Variants in ITGB7 observed in about 807,000 individuals in gnomAD.
ITGB7 encodes the protein integrin subunit beta 7, also known as integrin beta-7.
ITGB7 carries 55 observed loss-of-function variants against 83.4 expected under a neutral mutation model. The ratio of observed to expected loss-of-function variants is 0.66; its 90% confidence interval spans 0.53 to 0.83. The LOEUF (loss-of-function observed/expected upper bound fraction) is 0.83. Among genes scored for constraint, ITGB7 ranks in the 40% least tolerant of loss-of-function variants. ITGB7 has a pLI of 0.00. For missense variants in ITGB7, 921 were observed against 1,046.7 expected (o/e 0.88, Z 1.66); for synonymous variants, 454 against 423.6 (o/e 1.07, Z -0.88).
intron 1 of ITGB7, among the ~76,000 whole-genome samples, chr12:53,205,417 G>A (rs187718235): frequency 1.3e-5 from 2 of 152,144 alleles, no homozygotes; most frequent in Admixed American, 6.5e-5. Context: ...TAGAACTCCT[G>A]AGCTCAAGCG....
chr12:53,200,275 A>G lies in ITGB7; in HGVS notation c.169T>C (p.Ser57Pro). 6.2e-7 allele frequency: 1 copy of G among 1,614,102 alleles called. No homozygotes were observed. Among genetic ancestry groups the G allele is most frequent in the South Asian group, 1.1e-5 (1 of 91,076 alleles). ...PAPSCQKCILSHPSCAWCKQL... is the reference protein window; with the variant it reads ...PAPSCQKCILPHPSCAWCKQL... ...TTGCACCATGCACAGCTGGGGTGTG[A>G]GAGGATGCACTTCTGGCAGGAGGGG... is the stretch of plus-strand genomic sequence containing the variant. Residue 57 changes from serine (S) to proline (P), a missense_variant, in exon 3 of 16, where the codon TCA becomes CCA. Physicochemically the swap from Ser to Pro is moderately conservative, Grantham distance 74 (BLOSUM62 -1). Transcript: ENST00000267082.
rs752378256 is a variant in ITGB7, at chr12:53,191,896, C to T, written c.2279G>A (p.Arg760His). Residue 760 changes from arginine (R) to histidine (H), a missense_variant, in exon 15 of 16, where the codon CGC (arginine) becomes CAC (histidine). Coordinates refer to ENST00000267082, the MANE Select transcript of ITGB7 (RefSeq NM_000889.3). ...GAGTTGTTGCTGCTCCTTCTCAAAG[C>T]GACTGTATTCCCGGCGGTCATAGAT... ...VEIYDRREYS[R>H]FEKEQQQLNW... is the part of the protein sequence containing the mutation. 9 of 1,612,966 alleles carry T rather than the reference C, an allele frequency of 5.6e-6. No individual in the cohort carries two copies. Among genetic ancestry groups the T allele is most frequent in the South Asian group, 2.2e-5 (2 of 91,070 alleles).
At chr12:53,198,409 C>T (rs554543618) in intron 3 of ITGB7, among the ~76,000 whole-genome samples, 22 of 151,648 alleles carry the variant, frequency 1.5e-4, no homozygotes, top group African/African-American at 5.1e-4. Context: ...CAGACGTGAA[C>T]CACCACGCCT....
chr12:53,193,456 A>C, intron 11 of ITGB7, 93 bp from the exon 12 acceptor site: 1 of 948,936 alleles, frequency 1.1e-6, no homozygotes, highest in Non-Finnish European at 1.5e-6. Flanking sequence ...AAGTTCTCAA[A>C]AGAGTTGGAG....
intron 6 of ITGB7, 84 bp from the exon 7 acceptor site, chr12:53,196,283 G>T: frequency 6.6e-7 from 1 of 1,505,752 alleles, no homozygotes; most frequent in Non-Finnish European, 9.1e-7. Flanking sequence ...CAAGAATGTG[G>T]CCAGCCTCAC....
At chr12:53,197,374 G>T in intron 5 of ITGB7, 119 bp downstream of exon 5, 1 of 1,130,332 alleles carries the variant, frequency 8.8e-7, no homozygotes. Context: ...GGCCTGGCTA[G>T]GCCTGTCAAC....
chr12:53,205,118 C>A (rs1942409739), intron 1 of ITGB7, among the ~76,000 whole-genome samples: 1 of 152,116 alleles, frequency 6.6e-6, no homozygotes, highest in East Asian at 1.9e-4. Flanking sequence ...AGCCACTGTG[C>A]CTGGCCTTAA....
In ITGB7 at chr12:53,192,734, A is replaced by G; in HGVS notation, c.1903T>C (p.Cys635Arg). ...QCLDGYYGAL[C>R]DQCPGCKTPC... is the part of the protein sequence containing the mutation. ...GTCTTGCAGCCTGGGCATTGGTCGCATAGAGCACCATAGTAGCCGTCCAAG... is the reference window on the plus strand; with the variant it reads ...GTCTTGCAGCCTGGGCATTGGTCGCGTAGAGCACCATAGTAGCCGTCCAAG... Residue 635 changes from cysteine to arginine, a missense_variant, in exon 13 of 16, where the codon TGC becomes CGC. Coordinates refer to ENST00000267082, the MANE Select transcript of ITGB7 (RefSeq NM_000889.3). The G allele has an allele frequency of 6.2e-7, 1 of 1,614,242 alleles. No individual in the cohort carries two copies. The highest frequency in any genetic ancestry group is 8.5e-7 in the Non-Finnish European group (1 of 1,180,048).
intron 1 of ITGB7, among the ~76,000 whole-genome samples, chr12:53,202,225 G>C (rs1478626214): frequency 1.3e-5 from 2 of 152,082 alleles, no homozygotes; most frequent in Non-Finnish European, 2.9e-5. Flanking sequence ...TGGGTGTGGT[G>C]GTGGGCGCCT....
At chr12:53,203,308 A>T (rs7139068) in intron 1 of ITGB7, among the ~76,000 whole-genome samples, 32,038 of 152,140 alleles carry the variant, frequency 0.21, 5,314 homozygotes, top group African/African-American at 0.47. Context: ...CCACCCAGCA[A>T]ATGAAAAGAT....
intron 3 of ITGB7, among the ~76,000 whole-genome samples, chr12:53,198,801 G>C (rs1183542976): frequency 6.6e-6 from 1 of 152,174 alleles, no homozygotes; most frequent in East Asian, 1.9e-4. Flanking sequence ...CAGCTCCTTG[G>C]AAAGGAAAGG....
chr12:53,196,408 GCCT>G (rs1254644422), intron 6 of ITGB7, 168 bp downstream of exon 6: 9 of 1,051,690 alleles, frequency 8.6e-6, no homozygotes, highest in South Asian at 3.3e-5. Context: ...CGAAAAACAT[GCCT>G]CCTCCTCAAG....
Position 53,191,354 on chromosome 12 carries a change from G to T in ITGB7, c.*202C>A. ...GTAAGACTTTATTGTATACTTGGGT[G>T]GGGTAGCCCAGATGGATGCAAGGTT... On this transcript the variant is annotated 3_prime_UTR_variant, in exon 16 of 16. Coordinates refer to ENST00000267082, the MANE Select transcript of ITGB7 (RefSeq NM_000889.3). The T allele has an allele frequency of 1.7e-6, 1 of 592,714 alleles. No individual in the cohort carries two copies. The highest frequency in any genetic ancestry group is 1.9e-5 in the South Asian group (1 of 52,326). The allele number at this position is 592,714 out of a possible 1,614,324, so 36.7% of individuals were successfully genotyped here. A position where few individuals can be genotyped will look rare whatever the true frequency, so the allele number is the denominator to read the frequency against.
chr12:53,197,023 A>C, intron 5 of ITGB7: 1 of 610,588 alleles, frequency 1.6e-6, no homozygotes, highest in Non-Finnish European at 2.9e-6. Flanking sequence ...TAAGAGGAGG[A>C]CACAACTTCC....
At chr12:53,195,932 G>C (rs376234651) in intron 7 of ITGB7, 109 bp downstream of exon 7, 1 of 1,271,678 alleles carries the variant, frequency 7.9e-7, no homozygotes, top group Non-Finnish European at 1.1e-6. Context: ...AGATGGCAGG[G>C]TGTCTACAGG....
rs1175467493 is a variant in ITGB7, at chr12:53,192,482, G to T, written c.2003C>A (p.Thr668Lys). The T allele has an allele frequency of 6.2e-7, 1 of 1,614,084 alleles. No individual in the cohort carries two copies. Among genetic ancestry groups the T allele is most frequent in the Non-Finnish European group, 8.5e-7 (1 of 1,180,056 alleles). The change falls in exon 14 of 16, where the codon ACA becomes AAA. Residue 668 changes from threonine to lysine, a missense_variant. Transcript: ENST00000267082. ...GGTCACATTGGTATGGGCACAAGCTGTACTGCAGTTGGTGGCCAGTGGGCC... is the reference window on the plus strand; with the variant it reads ...GGTCACATTGGTATGGGCACAAGCTTTACTGCAGTTGGTGGCCAGTGGGCC... ...RTGPLATNCS[T>K]ACAHTNVTLA...
At chr12:53,193,040 A>G in intron 12 of ITGB7, 100 bp downstream of exon 12, 2 of 1,379,158 alleles carry the variant, frequency 1.5e-6, no homozygotes, top group Non-Finnish European at 2.0e-6. Flanking sequence ...CATACACCGG[A>G]ATCTTTTGAT....
At position 53,191,347 on chromosome 12, in the gene ITGB7, C is replaced by T. The variant is rs1592392940; in HGVS notation, c.*209G>A. 7 of 585,902 alleles carry T rather than the reference C, an allele frequency of 1.2e-5. No individual in the cohort carries two copies. Among genetic ancestry groups the T allele is most frequent in the South Asian group, 7.7e-5 (4 of 52,028 alleles). The allele number at this position is 585,902 out of a possible 1,614,324, so 36.3% of individuals were successfully genotyped here. Reference sequence around the variant, plus strand: ...GTCTGAGGTAAGACTTTATTGTATACTTGGGTGGGGTAGCCCAGATGGATG... The same window carrying T: ...GTCTGAGGTAAGACTTTATTGTATATTTGGGTGGGGTAGCCCAGATGGATG... On this transcript the variant is annotated 3_prime_UTR_variant, in exon 16 of 16. Coordinates refer to ENST00000267082, the MANE Select transcript of ITGB7 (RefSeq NM_000889.3).
Position 53,194,461 on chromosome 12 carries a change from G to A in ITGB7, c.1162-117C>T, listed in dbSNP as rs186713729. 8.9e-6 allele frequency: 9 copies of A among 1,016,112 alleles called. No individual in the cohort carries two copies. The East Asian group carries it at 1.8e-4, about 21-fold the overall frequency. The allele number at this position is 1,016,112 out of a possible 1,614,324, so 62.9% of individuals were successfully genotyped here. A position where few individuals can be genotyped will look rare whatever the true frequency, so the allele number is the denominator to read the frequency against. On this transcript the variant is annotated intron_variant, in intron 9 of 15. Coordinates refer to ENST00000267082, the MANE Select transcript of ITGB7 (RefSeq NM_000889.3). ...AGCACCCTGCCCTCTGCCACCTGGG[G>A]CTCCTTCCATTCTGCCCAGTCGAGG...
Sources: allele counts gnomAD v4.1 joint callset (sites outside exome capture counted in the v4.1 genomes callset), GRCh38; gene constraint gnomAD v4.1.1; transcripts MANE v1.5; gene names NCBI Gene and HGNC (gene_info 2026-07-23, HGNC 2026-07-21).